ARID3B: variants seen among roughly 807,000 people sequenced by gnomAD.
ARID3B encodes the protein AT-rich interactive domain-containing protein 3B.
ARID3B carries 10 observed loss-of-function variants against 51.9 expected under a neutral mutation model. The observed-to-expected ratio is 0.19, with a 90% CI of 0.12 to 0.33. The LOEUF is 0.33. Ranked by LOEUF, ARID3B falls within the 10% of genes least tolerant of loss-of-function variation. The pLI is 1.00. For synonymous variants in ARID3B, 205 were observed against 279.5 expected, an observed-to-expected ratio of 0.73 and a Z score of 2.66; for missense variants, 483 against 716.3, an observed-to-expected ratio of 0.67 and a Z score of 3.72.
chr15:74,575,284 G>A (rs1361538347), intron 4 of ARID3B, among the ~76,000 whole-genome samples: 1 of 152,146 alleles, frequency 6.6e-6, no homozygotes, highest in Non-Finnish European at 1.5e-5. Context: ...GATTTTTAAA[G>A]GAAAATGGAA....
intron 2 of ARID3B, among the ~76,000 whole-genome samples, chr15:74,564,254 C>CT (rs1216962581): frequency 6.6e-6 from 1 of 152,204 alleles, no homozygotes; most frequent in Non-Finnish European, 1.5e-5. Flanking sequence ...TAGGATTCTC[C>CT]TGTAATCCTG....
In ARID3B at chr15:74,591,517, A is replaced by G. The variant is rs1167611905; in HGVS notation, c.1166-43A>G. 7 of 1,596,860 alleles carry G rather than the reference A, an allele frequency of 4.4e-6. No homozygotes were observed. The highest frequency in any genetic ancestry group is 1.1e-5 in the South Asian group (1 of 89,748). ...TGTTCAAGACTGGGGTTTTGGGGCA[A>G]GAGGGTCAATTGTGGATTGGTCCAG... On this transcript the variant is annotated intron_variant, in intron 6 of 8. Transcript: ENST00000346246. The surrounding 1 kb of genome is among the most constrained non-coding windows in gnomAD (Gnocchi z 5.8).
At chr15:74,563,049 CT>C (rs563332399) in intron 2 of ARID3B, among the ~76,000 whole-genome samples, 104 of 152,314 alleles carry the variant, frequency 6.8e-4, no homozygotes, top group African/African-American at 2.4e-3. Context: ...TTAGCTTGTG[CT>C]GAGTCTCCTA....
intron 2 of ARID3B, among the ~76,000 whole-genome samples, chr15:74,559,784 A>C (rs1053114844): frequency 1.3e-5 from 2 of 152,106 alleles, no homozygotes; most frequent in East Asian, 3.8e-4. Context: ...AAATGTAAAA[A>C]TTTGTAAAGA....
chr15:74,563,292 C>G (rs1027534866), intron 2 of ARID3B, among the ~76,000 whole-genome samples: 3 of 152,138 alleles, frequency 2.0e-5, no homozygotes, highest in African/African-American at 7.2e-5. Context: ...TGGAGGAAGC[C>G]TTAGGAGAAG....
At chr15:74,559,181 C>A (rs2061670162) in intron 2 of ARID3B, among the ~76,000 whole-genome samples, 1 of 152,212 alleles carries the variant, frequency 6.6e-6, no homozygotes, top group Non-Finnish European at 1.5e-5. Context: ...CTTAAGAACC[C>A]TATTCGGGTC....
rs1443733970 is a variant in ARID3B at position 74,585,152 on chromosome 15, ATGGGGGT to A, written c.698-4667_698-4661del. ...TGCTCACCCCCTTCTGGGAGGCATG[ATGGGGGT>A]GGAGATTTGGTCTCCTGTAGGGCCA... On this transcript the variant is annotated intron_variant, in intron 4 of 8. Transcript: ENST00000346246. 3.3e-5 allele frequency among the ~76,000 whole-genome samples: 5 copies of A among 152,300 alleles called. No homozygotes were observed. In the East Asian group the frequency reaches 9.6e-4, roughly 29 times the overall value.
chr15:74,555,816 G>T (rs1380251938), intron 2 of ARID3B, among the ~76,000 whole-genome samples: 1 of 134,964 alleles, frequency 7.4e-6, no homozygotes, highest in East Asian at 2.2e-4. Context: ...TTTTGAGACG[G>T]AATCTCACCT....
chr15:74,544,573 A>T (rs2061608647), intron 2 of ARID3B, 85 bp downstream of exon 2: 1 of 1,422,114 alleles, frequency 7.0e-7, no homozygotes, highest in Non-Finnish European at 9.5e-7. Context: ...GGGCTGTGCC[A>T]GTCTGTGCCT....
chr15:74,598,001 A>G lies in ARID3B; in HGVS notation c.*2227A>G. Reference sequence around the variant, plus strand: ...CTAACCAGGAAAAATGTGATAGCACATGGGTAGCCTAGGCAGTGAGTAAAT... The same window carrying G: ...CTAACCAGGAAAAATGTGATAGCACGTGGGTAGCCTAGGCAGTGAGTAAAT... On this transcript the variant is annotated 3_prime_UTR_variant, in exon 9 of 9. Transcript: ENST00000346246. 1.9e-6 allele frequency: 1 copy of G among 531,556 alleles called. No individual in the cohort carries two copies. The highest frequency in any genetic ancestry group is 1.5e-5 in the South Asian group (1 of 65,242). The allele number at this position is 531,556 out of a possible 1,614,324, so 32.9% of individuals were successfully genotyped here.
intron 4 of ARID3B, among the ~76,000 whole-genome samples, chr15:74,587,508 C>T (rs1175571775): frequency 6.6e-6 from 1 of 152,170 alleles, no homozygotes; most frequent in East Asian, 1.9e-4. Context: ...GAGCCCAGCA[C>T]AAACATTCTG....
chr15:74,590,841 C>T (rs568455004), intron 5 of ARID3B, among the ~76,000 whole-genome samples: 1 of 152,284 alleles, frequency 6.6e-6, no homozygotes, highest in African/African-American at 2.4e-5. Context: ...TCAGAAAGCC[C>T]TTGTAAAACA....
At chr15:74,553,415 G>C (rs978919110) in intron 2 of ARID3B, among the ~76,000 whole-genome samples, 19 of 152,194 alleles carry the variant, frequency 1.2e-4, no homozygotes, top group African/African-American at 4.6e-4. Flanking sequence ...AGGCTATAGA[G>C]TTTTCCCTGG....
chr15:74,580,083 C>T (rs928366148), intron 4 of ARID3B, among the ~76,000 whole-genome samples: 3 of 152,000 alleles, frequency 2.0e-5, no homozygotes, highest in East Asian at 3.9e-4. Flanking sequence ...CCCAGCTACT[C>T]GGGAGGCTGA....
intron 2 of ARID3B, among the ~76,000 whole-genome samples, chr15:74,550,756 C>G (rs2141375587): frequency 6.6e-6 from 1 of 152,050 alleles, no homozygotes; most frequent in South Asian, 2.1e-4. Context: ...TGCTTGCTTG[C>G]TCTAGTACTT....
chr15:74,541,497 C>T (rs542264798), intron 1 of ARID3B, among the ~76,000 whole-genome samples, 167 bp downstream of exon 1: 1 of 152,254 alleles, frequency 6.6e-6, no homozygotes, highest in Non-Finnish European at 1.5e-5. Flanking sequence ...GAGCCCCGAG[C>T]GCCCTGTGCC....
intron 1 of ARID3B, among the ~76,000 whole-genome samples, chr15:74,543,326 C>T (rs577729708): frequency 2.9e-4 from 44 of 152,270 alleles, no homozygotes; most frequent in Admixed American, 1.2e-3. Context: ...CTTGCTTTTT[C>T]TATGAGAGTA....
intron 4 of ARID3B, among the ~76,000 whole-genome samples, chr15:74,584,125 C>T (rs535701461): frequency 1.1e-4 from 16 of 152,202 alleles, no homozygotes; most frequent in African/African-American, 3.6e-4. Context: ...GTTTGGGGTA[C>T]GATTGATCCT....
chr15:74,559,230 A>C (rs1314871374), intron 2 of ARID3B, among the ~76,000 whole-genome samples: 1 of 152,142 alleles, frequency 6.6e-6, no homozygotes. Flanking sequence ...CCACTTGCTC[A>C]CTGATTGCTA....
Sources: gnomAD v4.1 joint callset for allele counts (sites outside exome capture counted in the v4.1 genomes callset) on GRCh38, gnomAD v4.1.1 for gene constraint, Gnocchi (gnomAD v3.1) non-coding constraint, MANE v1.5 for transcripts, NCBI Gene and HGNC (gene_info 2026-07-23, HGNC 2026-07-21) for gene names.